RYR2: variants seen among roughly 807,000 people sequenced by gnomAD.
RYR2 encodes the protein cardiac muscle ryanodine receptor-calcium release channel.
In RYR2, 227 loss-of-function variants were observed where a neutral mutation model predicts 601.1. That is an observed-to-expected ratio of 0.38 (90% CI 0.34 to 0.42). The LOEUF (loss-of-function observed/expected upper bound fraction) is 0.42, where lower values mean the gene tolerates loss of function less well. Ranked by LOEUF, RYR2 falls within the 10% of genes least tolerant of loss-of-function variation. RYR2 has a pLI of 1.00. For missense variants in RYR2, 4,646 were observed against 6,156.5 expected, an observed-to-expected ratio of 0.75 and a Z score of 8.21; for synonymous variants, 2,223 against 2,175.1, an observed-to-expected ratio of 1.02 and a Z score of -0.61.
chr1:237,527,480 G>A (rs1477507644), intron 24 of RYR2, among the ~76,000 whole-genome samples: 2 of 152,088 alleles, frequency 1.3e-5, no homozygotes, highest in Non-Finnish European at 2.9e-5. Flanking sequence ...ACTTACCCCA[G>A]TATTTCTTTT....
intron 85 of RYR2, 67 bp from the exon 86 acceptor site, chr1:237,771,945 G>T: frequency 3.5e-6 from 3 of 862,734 alleles, no homozygotes; most frequent in South Asian, 1.5e-5. Context: ...TTTGCCTTTG[G>T]AGTTCTTAGA....
Position 237,336,433 on chromosome 1 carries a change from C to G in RYR2, c.273+5451C>G, listed in dbSNP as rs554558115. Among the ~76,000 whole-genome samples, 6 of 152,308 alleles carry G rather than the reference C, an allele frequency of 3.9e-5. No homozygotes were observed. In the South Asian group the frequency reaches 1.2e-3, roughly 32 times the overall value. On this transcript the variant is annotated intron_variant, in intron 3 of 104. Coordinates refer to ENST00000366574, the MANE Select transcript of RYR2 (RefSeq NM_001035.3). ...ATAAGAAACTGTAATGATGTTTCCTCTTTCTAAATTATGTACTGTCTTCAA... is the reference window on the plus strand; with the variant it reads ...ATAAGAAACTGTAATGATGTTTCCTGTTTCTAAATTATGTACTGTCTTCAA...
At chr1:237,807,604 G>A (rs900220052) in intron 99 of RYR2, among the ~76,000 whole-genome samples, 2 of 152,044 alleles carry the variant, frequency 1.3e-5, no homozygotes, top group East Asian at 1.9e-4. Flanking sequence ...TGCCTGCCTC[G>A]GCCTCCCAAA....
chr1:237,314,082 T>G (rs1274343580), intron 2 of RYR2, among the ~76,000 whole-genome samples: 22 of 143,622 alleles, frequency 1.5e-4, no homozygotes, highest in African/African-American at 4.9e-4. Context: ...TTTTTTTTTT[T>G]GAGATGGAGT....
At chr1:237,778,036 A>G (rs566795095) in intron 87 of RYR2, among the ~76,000 whole-genome samples, 1 of 152,338 alleles carries the variant, frequency 6.6e-6, no homozygotes, top group African/African-American at 2.4e-5. Context: ...GGAGGAACGC[A>G]AGACACTGGA....
intron 24 of RYR2, among the ~76,000 whole-genome samples, chr1:237,515,720 T>TTTCTCCTCCTCGTCCTTCTCCGTC (rs1558952270): frequency 3.0e-4 from 4 of 13,548 alleles, no homozygotes; most frequent in African/African-American, 2.9e-3. Flanking sequence ...CCTTCTTCTC[T>TTTCTCCTCCTCGTCCTTCTCCGTC]TCCTCCTTCT....
rs746943081 is a variant in RYR2 at position 237,610,919 on chromosome 1, G to A, written c.4841G>A (p.Arg1614His). ...GTAGATGTGTCTCGAATAAGTGAAC[G>A]CCAAGGCTGGTTGGTGCAGTGTTTG... ...LKVDVSRISE[R>H]QGWLVQCLDP... The change falls in exon 36 of 105, where the codon CGC becomes CAC. Residue 1614 changes from arginine to histidine, a missense_variant. By Grantham distance (29) the Arg-to-His change is conservative. Transcript: ENST00000366574. The surrounding 1 kb of genome is among the most constrained non-coding windows in gnomAD (Gnocchi z 4.9). The A allele has an allele frequency of 2.0e-5, 33 of 1,613,300 alleles. No homozygotes were observed. The highest frequency in any genetic ancestry group is 1.6e-4 in the Middle Eastern group (1 of 6,078).
intron 22 of RYR2, among the ~76,000 whole-genome samples, chr1:237,506,482 G>A (rs528933250): frequency 6.6e-6 from 1 of 151,656 alleles, no homozygotes; most frequent in Admixed American, 6.6e-5. Context: ...AGCTTGCAGT[G>A]AGCAGAGATC....
At chr1:237,509,738 T>C (rs1665687674) in intron 23 of RYR2, among the ~76,000 whole-genome samples, 1 of 152,228 alleles carries the variant, frequency 6.6e-6, no homozygotes, top group Non-Finnish European at 1.5e-5. Flanking sequence ...AGTAAAGAAG[T>C]AATATTTAGC....
chr1:237,422,179 A>G (rs1002723815), intron 11 of RYR2, among the ~76,000 whole-genome samples: 12 of 152,176 alleles, frequency 7.9e-5, no homozygotes, highest in African/African-American at 2.9e-4. Context: ...TAATGTGCAA[A>G]GCAAGAACAG....
At chr1:237,745,898 C>T (rs866690373) in intron 80 of RYR2, among the ~76,000 whole-genome samples, 2 of 151,602 alleles carry the variant, frequency 1.3e-5, no homozygotes, top group African/African-American at 2.4e-5. Context: ...TGGGGATTTG[C>T]GCTTCCTAAT....
chr1:237,551,556 A>G (rs2618658), intron 27 of RYR2, among the ~76,000 whole-genome samples: 48,378 of 141,788 alleles, frequency 0.34, 8,959 homozygotes, highest in East Asian at 0.5. Context: ...AAAAGAATGT[A>G]GTTTAGAATG....
At chr1:237,329,417 C>A (rs985284065) in intron 2 of RYR2, among the ~76,000 whole-genome samples, 4 of 151,866 alleles carry the variant, frequency 2.6e-5, no homozygotes, top group Admixed American at 2.0e-4. Flanking sequence ...CGAGGTGGGG[C>A]GGATCACGAG....
chr1:237,249,618 G>T (rs1043593288), intron 1 of RYR2, among the ~76,000 whole-genome samples: 1 of 152,128 alleles, frequency 6.6e-6, no homozygotes, highest in African/African-American at 2.4e-5. Flanking sequence ...TGACCATCTA[G>T]AAAGTGAGAG....
intron 12 of RYR2, among the ~76,000 whole-genome samples, chr1:237,428,034 A>T (rs1376143381): frequency 2.6e-5 from 4 of 152,188 alleles, no homozygotes; most frequent in Non-Finnish European, 5.9e-5. Flanking sequence ...ATAAATGCAA[A>T]TCAAAACCAC....
rs1191725555 is a variant in RYR2 at position 237,795,272 on chromosome 1, GC to G, written c.13914-16del. 1.6e-6 allele frequency: 2 copies of G among 1,242,388 alleles called. No homozygotes were observed. Among genetic ancestry groups the G allele is most frequent in the Admixed American group, 2.4e-5 (1 of 40,822 alleles). 77.0% of individuals were successfully genotyped at this position (1,242,388 alleles called of 1,614,324 possible). ...TAAAAATAATACTATTTACTTCTAT[GC>G]TTTTGTATATTTTAGGTCATTTCCC... is the stretch of plus-strand genomic sequence containing the variant. On this transcript the variant is annotated splice_polypyrimidine_tract_variant and intron_variant, in intron 95 of 104. Transcript: ENST00000366574.
chr1:237,731,911 CACACACA>C, intron 77 of RYR2, 128 bp from the exon 78 acceptor site: 2 of 605,946 alleles, frequency 3.3e-6, no homozygotes, highest in African/African-American at 1.9e-5. Context: ...CACACACACA[CACACACA>C]CCCCACAACA....
At chr1:237,291,614 G>A (rs1254594857) in intron 2 of RYR2, among the ~76,000 whole-genome samples, 1 of 152,132 alleles carries the variant, frequency 6.6e-6, no homozygotes, top group Non-Finnish European at 1.5e-5. Flanking sequence ...AAAGAAATGA[G>A]CTATCAATCC....
intron 3 of RYR2, among the ~76,000 whole-genome samples, chr1:237,344,218 T>C (rs934939175): frequency 1.3e-5 from 2 of 152,204 alleles, no homozygotes; most frequent in African/African-American, 4.8e-5. Context: ...ATCGGATTAT[T>C]CTCATGGCGT....
Sources: gnomAD v4.1 joint callset for allele counts (sites outside exome capture counted in the v4.1 genomes callset) on GRCh38, gnomAD v4.1.1 for gene constraint, Gnocchi (gnomAD v3.1) non-coding constraint, MANE v1.5 for transcripts, NCBI Gene and HGNC (gene_info 2026-07-23, HGNC 2026-07-21) for gene names.